The following OPCML variants were observed in gnomAD, a reference collection of about 807,000 sequenced individuals.
The protein encoded by OPCML is opioid-binding protein/cell adhesion molecule.
Under a neutral mutation model 37.8 loss-of-function variants are expected in OPCML, and 13 were observed. The ratio of observed to expected loss-of-function variants is 0.34; its 90% CI spans 0.22 to 0.55. The LOEUF is 0.55. Among genes scored for constraint, OPCML ranks in the 20% least tolerant of loss-of-function variants. OPCML has a pLI of 0.91. For synonymous variants in OPCML, 176 were observed against 168.8 expected, an observed-to-expected ratio of 1.04 and a Z score of -0.33; for missense variants, 341 against 435.6, an observed-to-expected ratio of 0.78 and a Z score of 1.93.
intron 7 of OPCML, among the ~76,000 whole-genome samples, chr11:132,429,984 A>G (rs781438848): frequency 6.6e-6 from 1 of 152,130 alleles, no homozygotes; most frequent in Non-Finnish European, 1.5e-5. Flanking sequence ...GTTATATCAC[A>G]TAAGCCAGAA....
At position 133,208,694 on chromosome 11, in the gene OPCML, C is replaced by G. The variant is rs1939222866; in HGVS notation, c.62-265684G>C. ...TCATGTCCATTTACTGAAGGAATTT[C>G]TAAGCACTAGCCATCCAAGTGAATA... is the stretch of plus-strand genomic sequence containing the variant. On this transcript the variant is annotated intron_variant, in intron 1 of 7. Transcript: ENST00000524381. The surrounding 1 kb of genome is among the most constrained non-coding windows in gnomAD (Gnocchi z 8.9). 6.6e-6 allele frequency among the ~76,000 whole-genome samples: 1 copy of G among 152,184 alleles called. No individual in the cohort carries two copies. Among genetic ancestry groups the G allele is most frequent in the Non-Finnish European group, 1.5e-5 (1 of 68,042 alleles).
intron 2 of OPCML, among the ~76,000 whole-genome samples, chr11:132,811,943 A>G (rs117098592): frequency 6.6e-6 from 1 of 152,176 alleles, no homozygotes; most frequent in Admixed American, 6.5e-5. Flanking sequence ...TCCTCAAATT[A>G]TATTAATATA....
chr11:133,140,739 C>T (rs1308064427), intron 1 of OPCML, among the ~76,000 whole-genome samples: 1 of 135,908 alleles, frequency 7.4e-6, no homozygotes, highest in African/African-American at 2.7e-5. Context: ...ACGACGACGA[C>T]GACGACGAGG....
chr11:132,611,276 T>C (rs891357733), intron 3 of OPCML, among the ~76,000 whole-genome samples: 3 of 152,172 alleles, frequency 2.0e-5, no homozygotes, highest in Non-Finnish European at 4.4e-5. Context: ...GAGAAATCTT[T>C]GCGTGCTGTA....
intron 4 of OPCML, among the ~76,000 whole-genome samples, chr11:132,511,290 A>G (rs7106754): frequency 0.2 from 29,635 of 151,936 alleles, 2,976 homozygotes; most frequent in Non-Finnish European, 0.21. Context: ...GACTTAATAA[A>G]GGGAAGAATA....
intron 2 of OPCML, among the ~76,000 whole-genome samples, chr11:132,930,473 T>C (rs1032054235): frequency 1.4e-4 from 21 of 152,186 alleles, no homozygotes; most frequent in African/African-American, 4.8e-4. Context: ...TAGAAAACTC[T>C]GAAGATTCCA....
chr11:132,547,042 C>A (rs898426088), intron 3 of OPCML, among the ~76,000 whole-genome samples: 1 of 152,104 alleles, frequency 6.6e-6, no homozygotes, highest in African/African-American at 2.4e-5. Context: ...AACTTGGGTG[C>A]AAACATAAAG....
intron 4 of OPCML, among the ~76,000 whole-genome samples, chr11:132,526,942 G>A (rs960724589): frequency 6.6e-6 from 1 of 151,916 alleles, no homozygotes; most frequent in Non-Finnish European, 1.5e-5. Context: ...TTCTAGATTA[G>A]TTTTTCCTAT....
At chr11:133,120,751 A>G (rs1050983110) in intron 1 of OPCML, among the ~76,000 whole-genome samples, 1 of 152,212 alleles carries the variant, frequency 6.6e-6, no homozygotes, top group Non-Finnish European at 1.5e-5. Flanking sequence ...TCAAGAGTTC[A>G]TGCTTTGGCC....
intron 2 of OPCML, among the ~76,000 whole-genome samples, chr11:132,806,731 A>G (rs1185527166): frequency 2.0e-5 from 3 of 152,168 alleles, no homozygotes; most frequent in African/African-American, 7.2e-5. Flanking sequence ...TGTAAGATCT[A>G]AACATGGTTG....
At chr11:133,062,383 G>C (rs1449375747) in intron 1 of OPCML, among the ~76,000 whole-genome samples, 1 of 152,184 alleles carries the variant, frequency 6.6e-6, no homozygotes, top group Non-Finnish European at 1.5e-5. Flanking sequence ...GTCTTCTCGA[G>C]CCTTTTCTGT....
intron 1 of OPCML, among the ~76,000 whole-genome samples, chr11:132,961,832 T>C (rs564470988): frequency 3.3e-5 from 5 of 152,358 alleles, no homozygotes; most frequent in Non-Finnish European, 7.3e-5. Context: ...CTGTTGCTTC[T>C]GCCATATGAA....
chr11:132,744,463 C>G (rs1945545966), intron 2 of OPCML, among the ~76,000 whole-genome samples: 1 of 152,202 alleles, frequency 6.6e-6, no homozygotes, highest in Non-Finnish European at 1.5e-5. Flanking sequence ...ATGGTCTTAG[C>G]TCATTTCAAA....
At chr11:132,578,153 A>G (rs1247559846) in intron 3 of OPCML, among the ~76,000 whole-genome samples, 1 of 152,202 alleles carries the variant, frequency 6.6e-6, no homozygotes, top group African/African-American at 2.4e-5. Context: ...TCAACAATGA[A>G]TTTATAGCAC....
intron 2 of OPCML, among the ~76,000 whole-genome samples, chr11:132,764,050 A>G (rs1427459357): frequency 6.6e-6 from 1 of 152,244 alleles, no homozygotes; most frequent in African/African-American, 2.4e-5. Context: ...TTAAGTGAGT[A>G]TGTTGAGATG....
chr11:132,498,638 T>C (rs2096238743), intron 4 of OPCML, among the ~76,000 whole-genome samples: 1 of 152,222 alleles, frequency 6.6e-6, no homozygotes, highest in Non-Finnish European at 1.5e-5. Flanking sequence ...ACAATTCCTC[T>C]GTAGTGGAAG....
intron 1 of OPCML, among the ~76,000 whole-genome samples, chr11:133,144,642 A>G (rs922188672): frequency 6.6e-6 from 1 of 152,232 alleles, no homozygotes; most frequent in Non-Finnish European, 1.5e-5. Flanking sequence ...TGATTAGATG[A>G]GTTTGATTAT....
chr11:132,780,796 A>G (rs922358218), intron 2 of OPCML, among the ~76,000 whole-genome samples: 10 of 152,230 alleles, frequency 6.6e-5, no homozygotes, highest in African/African-American at 2.2e-4. Flanking sequence ...AAAATTTTTA[A>G]TAACTAACTA....
At chr11:133,406,438 G>T (rs1388120270) in intron 1 of OPCML, among the ~76,000 whole-genome samples, 1 of 152,166 alleles carries the variant, frequency 6.6e-6, no homozygotes, top group Non-Finnish European at 1.5e-5. Flanking sequence ...TTAAGCTGTA[G>T]TTTTTTTCAG....
Sources: gnomAD v4.1 joint callset for allele counts (sites outside exome capture counted in the v4.1 genomes callset) on GRCh38, gnomAD v4.1.1 for gene constraint, Gnocchi (gnomAD v3.1) non-coding constraint, MANE v1.5 for transcripts, NCBI Gene and HGNC (gene_info 2026-07-23, HGNC 2026-07-21) for gene names.